The following ABTB3 variants were observed in gnomAD, a reference collection of about 807,000 sequenced individuals.
The protein encoded by ABTB3 is ankyrin repeat and BTB domain containing 3.
chr12:107,432,458 C>A, the ABTB3 span, among the ~76,000 whole-genome samples: 1 of 152,196 alleles, frequency 6.6e-6, no homozygotes, highest in African/African-American at 2.4e-5. Flanking sequence ...CCCTGGCTTT[C>A]CTGAAGTCTT....
At chr12:107,604,094 A>G in the ABTB3 span, among the ~76,000 whole-genome samples, 1 of 152,034 alleles carries the variant, frequency 6.6e-6, no homozygotes, top group African/African-American at 2.4e-5. Context: ...GCGTGAACCC[A>G]GGAGGCAGAG....
the ABTB3 span, among the ~76,000 whole-genome samples, chr12:107,651,956 T>G: frequency 6.6e-6 from 1 of 152,234 alleles, no homozygotes; most frequent in Admixed American, 6.5e-5. Context: ...AAAAGATGCC[T>G]TCCACCTCCC....
chr12:107,589,909 A>C, the ABTB3 span, among the ~76,000 whole-genome samples: 1 of 152,080 alleles, frequency 6.6e-6, no homozygotes, highest in Non-Finnish European at 1.5e-5. Flanking sequence ...CTTTTCCTGG[A>C]CTAATTTTTT....
the ABTB3 span, among the ~76,000 whole-genome samples, chr12:107,608,556 C>A: frequency 3.9e-5 from 6 of 152,188 alleles, no homozygotes; most frequent in Non-Finnish European, 7.3e-5. Context: ...CTTTTCTGCT[C>A]TCTCATCTCC....
the ABTB3 span, among the ~76,000 whole-genome samples, chr12:107,574,179 T>G: frequency 6.6e-6 from 1 of 152,186 alleles, no homozygotes; most frequent in African/African-American, 2.4e-5. Context: ...AGGCACTAGC[T>G]TTTCCCAGCC....
the ABTB3 span, among the ~76,000 whole-genome samples, chr12:107,345,918 T>A: frequency 1.3e-5 from 2 of 152,160 alleles, no homozygotes; most frequent in Non-Finnish European, 2.9e-5. Flanking sequence ...ATTCCAAAAG[T>A]TTTACAAGAC....
At chr12:107,617,483 A>G in the ABTB3 span, 1 of 1,605,236 alleles carries the variant, frequency 6.2e-7, no homozygotes, top group Admixed American at 1.7e-5. Flanking sequence ...GGTGTTTGTT[A>G]AAAATGCAGA....
chr12:107,568,604 C>T, the ABTB3 span, among the ~76,000 whole-genome samples: 7 of 152,136 alleles, frequency 4.6e-5, no homozygotes, highest in African/African-American at 1.7e-4. Context: ...CACTGAGGTT[C>T]GTAGCTACCA....
At chr12:107,381,881 A>G in the ABTB3 span, among the ~76,000 whole-genome samples, 5 of 152,232 alleles carry the variant, frequency 3.3e-5, no homozygotes, top group East Asian at 9.6e-4. Context: ...TGGGAGGATT[A>G]AATGAGCTAA....
the ABTB3 span, among the ~76,000 whole-genome samples, chr12:107,397,315 G>C: frequency 3.9e-5 from 6 of 152,144 alleles, no homozygotes; most frequent in African/African-American, 1.4e-4. Context: ...AAACAGATTG[G>C]GTGTGGAATG....
the ABTB3 span, among the ~76,000 whole-genome samples, chr12:107,651,174 C>A: frequency 2.0e-5 from 3 of 152,098 alleles, no homozygotes; most frequent in African/African-American, 7.2e-5. Context: ...CAGATCCCTG[C>A]CCTCCTGGAC....
At chr12:107,540,519 C>T in the ABTB3 span, among the ~76,000 whole-genome samples, 1 of 152,052 alleles carries the variant, frequency 6.6e-6, no homozygotes, top group Non-Finnish European at 1.5e-5. Flanking sequence ...CCAGTCAAGT[C>T]GACTCCTAAA....
chr12:107,652,838 G>T, the ABTB3 span, among the ~76,000 whole-genome samples: 6 of 152,208 alleles, frequency 3.9e-5, no homozygotes, highest in Non-Finnish European at 7.3e-5. Context: ...CTGAGCACAG[G>T]GGGGATTAAC....
chr12:107,637,086 A>G, the ABTB3 span, among the ~76,000 whole-genome samples: 1 of 152,130 alleles, frequency 6.6e-6, no homozygotes, highest in Non-Finnish European at 1.5e-5. Context: ...CATCTACTAT[A>G]ATGGTCATGT....
chr12:107,637,697 A>G, the ABTB3 span, among the ~76,000 whole-genome samples: 104 of 152,174 alleles, frequency 6.8e-4, no homozygotes, highest in African/African-American at 2.3e-3. Context: ...TCTCTGTGGG[A>G]CCAGGCAGGT....
At chr12:107,322,350 C>T in the ABTB3 span, among the ~76,000 whole-genome samples, 1 of 152,142 alleles carries the variant, frequency 6.6e-6, no homozygotes, top group Non-Finnish European at 1.5e-5. Flanking sequence ...TCATTGTGAT[C>T]TCTTCATGCC....
the ABTB3 span, among the ~76,000 whole-genome samples, chr12:107,546,305 T>C: frequency 6.4e-4 from 98 of 152,282 alleles, no homozygotes; most frequent in African/African-American, 2.3e-3. Flanking sequence ...GAGCTCAAAC[T>C]ACCTCAAAAC....
chr12:107,508,390 T>C, the ABTB3 span, among the ~76,000 whole-genome samples: 2 of 150,910 alleles, frequency 1.3e-5, no homozygotes, highest in African/African-American at 4.9e-5. Flanking sequence ...CTCATTATTT[T>C]ACCCTGGTCC....
the ABTB3 span, among the ~76,000 whole-genome samples, chr12:107,387,319 C>A: frequency 5.3e-5 from 8 of 152,200 alleles, no homozygotes; most frequent in South Asian, 2.1e-4. Flanking sequence ...ATTCTCCCCC[C>A]ACCCTTGAGC....
Sources: gnomAD v4.1 joint callset for allele counts (sites outside exome capture counted in the v4.1 genomes callset) on GRCh38, gnomAD v4.1.1 for gene constraint, MANE v1.5 for transcripts, NCBI Gene and HGNC (gene_info 2026-07-23, HGNC 2026-07-21) for gene names.